GSDMC: variants seen among roughly 807,000 people sequenced by gnomAD.
GSDMC encodes the protein gasdermin-C.
GSDMC carries 59 observed loss-of-function variants against 58.0 expected under a neutral mutation model. The ratio of observed to expected loss-of-function variants is 1.02; its 90% CI spans 0.82 to 1.26. GSDMC has a LOEUF of 1.26. GSDMC is among the 50% of genes most tolerant of loss of function. GSDMC has a pLI of 0.00. For synonymous variants in GSDMC, 241 were observed against 220.2 expected, an observed-to-expected ratio of 1.09 and a Z score of -0.83; for missense variants, 659 against 598.5, an observed-to-expected ratio of 1.10 and a Z score of -1.06.
At chr8:129,741,915 A>AATATATATATATATATATATAT in the GSDMC span, among the ~76,000 whole-genome samples, 634 of 125,876 alleles carry the variant, frequency 5.0e-3, 5 homozygotes, top group East Asian at 8.3e-3. Context: ...AAGAAAATGT[A>AATATATATATATATATATATAT]ATATATATAT....
chr8:129,721,721 G>A, the GSDMC span, among the ~76,000 whole-genome samples: 1 of 152,188 alleles, frequency 6.6e-6, no homozygotes, highest in East Asian at 1.9e-4. Flanking sequence ...TGACTTGACA[G>A]CACTCTCAGT....
Position 129,776,277 on chromosome 8 carries a change from C to T in GSDMC, c.229G>A (p.Val77Met). The T allele has an allele frequency of 1.2e-6, 2 of 1,601,766 alleles. No individual in the cohort carries two copies. The highest frequency in any genetic ancestry group is 1.7e-6 in the Non-Finnish European group (2 of 1,175,490). Reference sequence around the variant, plus strand: ...TCACTGAAGTGGAACGGTCCTGTCACAACAGTTTCTGGGGAAAGAAAAGAC... The same window carrying T: ...TCACTGAAGTGGAACGGTCCTGTCATAACAGTTTCTGGGGAAAGAAAAGAC... ...EPSSSVLETV[V>M]TGPFHFSDIM... The change falls in exon 3 of 14, where the codon GTG becomes ATG. Residue 77 changes from valine (V) to methionine (M), a missense_variant. Val to Met is a conservative substitution (Grantham distance 21). Coordinates refer to ENST00000276708, the MANE Select transcript of GSDMC (RefSeq NM_031415.3).
At chr8:129,708,324 T>C in the GSDMC span, among the ~76,000 whole-genome samples, 1 of 151,970 alleles carries the variant, frequency 6.6e-6, no homozygotes, top group Non-Finnish European at 1.5e-5. Flanking sequence ...TTAGGCCAGG[T>C]AAAGAGGGCA....
At chr8:129,751,835 C>A (rs1236424466) in intron 9 of GSDMC, 27 bp downstream of exon 9, 1 of 1,581,562 alleles carries the variant, frequency 6.3e-7, no homozygotes, top group Admixed American at 1.7e-5. Context: ...GGATCCCCAC[C>A]CCCACCTCCA....
chr8:129,717,205 T>C, the GSDMC span, among the ~76,000 whole-genome samples: 3 of 151,860 alleles, frequency 2.0e-5, no homozygotes, highest in Admixed American at 6.6e-5. Flanking sequence ...CCAGCTTCTC[T>C]TTTACCTCTG....
the GSDMC span, among the ~76,000 whole-genome samples, chr8:129,713,330 C>A: frequency 2.6e-5 from 4 of 152,126 alleles, no homozygotes; most frequent in African/African-American, 9.7e-5. Flanking sequence ...AGGCAGGAGC[C>A]CCAAGAATGG....
chr8:129,776,311 GT>G, intron 2 of GSDMC, 26 bp from the exon 3 acceptor site: 1 of 1,543,024 alleles, frequency 6.5e-7, no homozygotes, highest in Non-Finnish European at 8.8e-7. Flanking sequence ...ACGACCATAG[GT>G]TTAGCCAAGA....
the GSDMC span, chr8:129,707,107 C>T: frequency 6.6e-6 from 1 of 152,036 alleles, no homozygotes; most frequent in Non-Finnish European, 1.5e-5. Flanking sequence ...ATCTATTTAA[C>T]TCTGGATGCC....
In GSDMC at chr8:129,752,086, G is replaced by A. The variant is rs769326665; in HGVS notation, c.886+20C>T. The stretch of plus-strand genomic sequence containing the variant: ...TGTTGTGCAGATTGTCCTGGAAGGG[G>A]AGGGCCAGATTCCACTCACTTGGCA... On this transcript the variant is annotated intron_variant, in intron 8 of 13. Transcript: ENST00000276708. 6.2e-7 allele frequency: 1 copy of A among 1,606,236 alleles called. No individual in the cohort carries two copies. The highest frequency in any genetic ancestry group is 1.1e-5 in the South Asian group (1 of 90,922).
the GSDMC span, among the ~76,000 whole-genome samples, chr8:129,709,342 C>T: frequency 1.3e-5 from 2 of 152,074 alleles, no homozygotes; most frequent in South Asian, 4.1e-4. Flanking sequence ...AGCACAAATC[C>T]TGACACATCA....
Position 129,760,580 on chromosome 8 carries a change from A to T in GSDMC, c.686T>A (p.Ile229Asn), listed in dbSNP as rs1346309359. 2 of 1,594,574 alleles carry T rather than the reference A, an allele frequency of 1.3e-6. No individual in the cohort carries two copies. The highest frequency in any genetic ancestry group is 1.7e-6 in the Non-Finnish European group (2 of 1,162,756). ...GGTTCTCTGTTCATCATCATCTGAG[A>T]TGAGAATGGCTGAATGGAAAAGAAG... ...QLVIKEKAIL[I>N]SDDDEQRTFQ... Residue 229 changes from isoleucine (I) to asparagine (N), a missense_variant, in exon 6 of 14, where the codon ATC (isoleucine) becomes AAC (asparagine). By Grantham distance (149) the Ile-to-Asn change is moderately radical (BLOSUM62 -3). Transcript: ENST00000276708.
chr8:129,764,301 T>C (rs2033781436), intron 4 of GSDMC, among the ~76,000 whole-genome samples: 1 of 152,198 alleles, frequency 6.6e-6, no homozygotes, highest in Admixed American at 6.5e-5. Context: ...AACTATCTCT[T>C]TGGGGTCTCC....
chr8:129,763,622 G>T lies in GSDMC; in HGVS notation c.571-891C>A, dbSNP rs76336729. Among the ~76,000 whole-genome samples the T allele has an allele frequency of 4.5e-3, 683 of 152,266 alleles. 6 individuals carry two copies. Among genetic ancestry groups the T allele is most frequent in the African/African-American group, 0.014 (588 of 41,540 alleles). On this transcript the variant is annotated intron_variant, in intron 4 of 13. Transcript: ENST00000276708. ...GACAGTGTCTCATTCTGTCACCCAG[G>T]CTGGAATGCAGTGGCACAATCATGG...
chr8:129,772,634 A>G (rs1429973155), intron 3 of GSDMC, among the ~76,000 whole-genome samples: 1 of 152,232 alleles, frequency 6.6e-6, no homozygotes, highest in East Asian at 1.9e-4. Context: ...AGTAATCAAA[A>G]AAGCTCCGAA....
intron 3 of GSDMC, among the ~76,000 whole-genome samples, chr8:129,773,356 T>A (rs2034119926): frequency 6.6e-6 from 1 of 152,218 alleles, no homozygotes; most frequent in Non-Finnish European, 1.5e-5. Flanking sequence ...GACACTATCT[T>A]ATACATCGAA....
the GSDMC span, among the ~76,000 whole-genome samples, chr8:129,718,910 A>G: frequency 6.6e-6 from 1 of 152,236 alleles, no homozygotes; most frequent in African/African-American, 2.4e-5. Flanking sequence ...GGAAACCATC[A>G]TTCTCAGCAA....
intron 10 of GSDMC, among the ~76,000 whole-genome samples, chr8:129,750,851 C>A (rs975365886): frequency 2.6e-5 from 4 of 152,140 alleles, no homozygotes; most frequent in African/African-American, 9.7e-5. Flanking sequence ...AAGAGAATGG[C>A]AAAGTGGTCA....
chr8:129,766,951 A>G (rs2033882747), intron 3 of GSDMC, among the ~76,000 whole-genome samples: 1 of 152,220 alleles, frequency 6.6e-6, no homozygotes, highest in Non-Finnish European at 1.5e-5. Context: ...TCAAGGCTTC[A>G]GCAATCACTG....
At chr8:129,756,437 T>C (rs1453552893) in intron 6 of GSDMC, among the ~76,000 whole-genome samples, 1 of 151,984 alleles carries the variant, frequency 6.6e-6, no homozygotes. Context: ...TTATTAGAGC[T>C]AAAGAGACAG....
Sources: allele counts gnomAD v4.1 joint callset (sites outside exome capture counted in the v4.1 genomes callset), GRCh38; gene constraint gnomAD v4.1.1; transcripts MANE v1.5; gene names NCBI Gene and HGNC (gene_info 2026-07-23, HGNC 2026-07-21).